The following PIK3R3 variants were observed in gnomAD, a reference collection of about 807,000 sequenced individuals.
The protein encoded by PIK3R3 is phosphoinositide-3-kinase regulatory subunit 3, also known as phosphatidylinositol 3-kinase regulatory subunit gamma.
In PIK3R3, 64 loss-of-function variants were observed where a neutral mutation model predicts 62.9. That is an observed-to-expected ratio of 1.02 (90% CI 0.83 to 1.25). PIK3R3 has a LOEUF of 1.25. Among genes scored for constraint, PIK3R3 ranks in the 50% most tolerant of loss-of-function variants. PIK3R3 has a pLI of 0.00. For synonymous variants in PIK3R3, 165 were observed against 189.0 expected (o/e 0.87, Z 1.04); for missense variants, 614 against 561.6 (o/e 1.09, Z -0.94).
rs781768301 is a variant in PIK3R3 at position 46,131,973 on chromosome 1, G to C, written c.-21C>G. Reference sequence around the variant, plus strand: ...TACATCGCGCTGTCAGGGGCAGGTCGCCAGGAGATATATAGAAGGCATATA... The same window carrying C: ...TACATCGCGCTGTCAGGGGCAGGTCCCCAGGAGATATATAGAAGGCATATA... On this transcript the variant is annotated 5_prime_UTR_variant, in exon 1 of 10. Transcript: ENST00000262741. 1.5e-5 allele frequency: 24 copies of C among 1,611,664 alleles called. No individual in the cohort carries two copies. The highest frequency in any genetic ancestry group is 2.0e-5 in the Non-Finnish European group (23 of 1,179,352).
rs1486927195 is a variant in PIK3R3, at chr1:46,067,056, T to A, written c.350A>T (p.His117Leu). The A allele has an allele frequency of 1.3e-6, 2 of 1,593,844 alleles. No individual in the cohort carries two copies. Among genetic ancestry groups the A allele is most frequent in the Non-Finnish European group, 1.7e-6 (2 of 1,171,812 alleles). Reference protein sequence around the residue: ...GGNNKLIKIYHRDGKYGFSDP... With the variant: ...GGNNKLIKIYLRDGKYGFSDP... Reference sequence around the variant, plus strand: ...AGAAAAGCCATATTTACCATCCCGGTGATAGATCTTTATTAACTTATTATT... The same window carrying A: ...AGAAAAGCCATATTTACCATCCCGGAGATAGATCTTTATTAACTTATTATT... Residue 117 changes from histidine (H) to leucine (L), a missense_variant, in exon 4 of 10, where the codon CAC (histidine) becomes CTC (leucine). Physicochemically the swap from His to Leu is moderately conservative, Grantham distance 99 (BLOSUM62 -3). Coordinates refer to ENST00000262741, the MANE Select transcript of PIK3R3 (RefSeq NM_003629.4).
intron 6 of PIK3R3, among the ~76,000 whole-genome samples, chr1:46,061,630 A>G (rs1648491013): frequency 6.6e-6 from 1 of 152,228 alleles, no homozygotes; most frequent in East Asian, 1.9e-4. Context: ...AGGACCAGGC[A>G]CTGTAGGGAC....
At chr1:46,077,927 T>C (rs957538663) in intron 2 of PIK3R3, among the ~76,000 whole-genome samples, 5 of 152,152 alleles carry the variant, frequency 3.3e-5, no homozygotes, top group African/African-American at 9.7e-5. Context: ...TCTGAACTTG[T>C]AAAGTTTCAG....
the PIK3R3 span, among the ~76,000 whole-genome samples, chr1:46,140,385 A>G: frequency 6.6e-6 from 1 of 152,182 alleles, no homozygotes; most frequent in East Asian, 1.9e-4. Context: ...TTGGGGAAAA[A>G]TTACCACTAA....
chr1:46,120,348 T>C (rs1270820831), intron 1 of PIK3R3, among the ~76,000 whole-genome samples: 1 of 152,074 alleles, frequency 6.6e-6, no homozygotes. Flanking sequence ...GAGGCCAAGG[T>C]GGGTGGATCA....
chr1:46,132,723 C>A, upstream of PIK3R3: 2 of 1,288,592 alleles, frequency 1.6e-6, no homozygotes, highest in South Asian at 1.2e-5. Flanking sequence ...CCCAACCGCG[C>A]CGGGAGGGGG....
intron 3 of PIK3R3, among the ~76,000 whole-genome samples, chr1:46,074,151 G>A (rs1477716607): frequency 2.0e-5 from 3 of 150,656 alleles, no homozygotes; most frequent in Non-Finnish European, 3.0e-5. Context: ...TTAGCTGGGC[G>A]TGGTGGCGGG....
At chr1:46,138,526 G>T in the PIK3R3 span, among the ~76,000 whole-genome samples, 2 of 152,198 alleles carry the variant, frequency 1.3e-5, no homozygotes, top group Non-Finnish European at 2.9e-5. Context: ...TAGGTGTGGT[G>T]GTGTGCTCCT....
chr1:46,091,234 G>A lies in PIK3R3; in HGVS notation c.107-10484C>T, dbSNP rs148636790. ...CGGCTCACTGCAACCTCCACCTCCCGGATTCAAGCAATTCTCCTGTCTCAG... is the reference window on the plus strand; with the variant it reads ...CGGCTCACTGCAACCTCCACCTCCCAGATTCAAGCAATTCTCCTGTCTCAG... On this transcript the variant is annotated intron_variant, in intron 1 of 9. Coordinates refer to ENST00000262741, the MANE Select transcript of PIK3R3 (RefSeq NM_003629.4). 7.5e-3 allele frequency among the ~76,000 whole-genome samples: 1,124 copies of A among 149,686 alleles called. 18 individuals are homozygous for A. The highest frequency in any genetic ancestry group is 0.026 in the African/African-American group (1,056 of 40,562).
intron 1 of PIK3R3, 52 bp from the exon 2 acceptor site, chr1:46,080,802 T>C (rs1332749505): frequency 3.1e-6 from 4 of 1,276,004 alleles, no homozygotes; most frequent in Non-Finnish European, 4.6e-6. Flanking sequence ...TACTGTTTTC[T>C]AATTTCCTCA....
At chr1:46,091,607 G>A (rs867781865) in intron 1 of PIK3R3, among the ~76,000 whole-genome samples, 159 of 152,234 alleles carry the variant, frequency 1.0e-3, no homozygotes, top group African/African-American at 3.6e-3. Context: ...GGAAATGGTA[G>A]AGAAAATATT....
chr1:46,173,704 G>T, the PIK3R3 span, among the ~76,000 whole-genome samples: 1 of 152,284 alleles, frequency 6.6e-6, no homozygotes, highest in Admixed American at 6.5e-5. Context: ...AGGGGGAGGG[G>T]CAGTGAAGAA....
intron 6 of PIK3R3, among the ~76,000 whole-genome samples, chr1:46,060,532 T>C (rs1648390650): frequency 6.6e-6 from 1 of 152,220 alleles, no homozygotes; most frequent in South Asian, 2.1e-4. Flanking sequence ...AAGCACATCA[T>C]GTGCCAGGAT....
At chr1:46,105,107 C>A in intron 1 of PIK3R3, 1 of 730,392 alleles carries the variant, frequency 1.4e-6, no homozygotes, top group South Asian at 1.4e-5. Flanking sequence ...TGTAGCAACT[C>A]AAATTGGAAT....
At chr1:46,116,736 T>G (rs886800200) in intron 1 of PIK3R3, among the ~76,000 whole-genome samples, 7 of 152,022 alleles carry the variant, frequency 4.6e-5, no homozygotes, top group Admixed American at 2.0e-4. Flanking sequence ...ATACCTGCCC[T>G]AAGTGTCTTA....
chr1:46,157,046 T>C, the PIK3R3 span, among the ~76,000 whole-genome samples: 1 of 152,184 alleles, frequency 6.6e-6, no homozygotes, highest in Admixed American at 6.5e-5. Context: ...TCACCTATGT[T>C]CAAGGCCAAA....
the PIK3R3 span, among the ~76,000 whole-genome samples, chr1:46,160,606 C>T: frequency 6.6e-6 from 1 of 152,358 alleles, no homozygotes; most frequent in East Asian, 1.9e-4. Flanking sequence ...CAAGTATAGG[C>T]TGTCCCCTTG....
At chr1:46,131,277 C>A (rs1655557623) in intron 1 of PIK3R3, among the ~76,000 whole-genome samples, 1 of 152,104 alleles carries the variant, frequency 6.6e-6, no homozygotes, top group South Asian at 2.1e-4. Flanking sequence ...TGAATACGAA[C>A]GCCCAATCCC....
At chr1:46,090,250 G>C (rs1422677292) in intron 1 of PIK3R3, among the ~76,000 whole-genome samples, 1 of 152,058 alleles carries the variant, frequency 6.6e-6, no homozygotes, top group African/African-American at 2.4e-5. Flanking sequence ...ACTTGTACAG[G>C]CTAGTGAGAG....
Sources: allele counts gnomAD v4.1 joint callset (sites outside exome capture counted in the v4.1 genomes callset), GRCh38; gene constraint gnomAD v4.1.1; transcripts MANE v1.5; gene names NCBI Gene and HGNC (gene_info 2026-07-23, HGNC 2026-07-21).